PPARD: variants seen among roughly 807,000 people sequenced by gnomAD.
PPARD encodes the protein peroxisome proliferator-activated receptor delta.
In PPARD, 6 loss-of-function variants were observed where a neutral mutation model predicts 39.5. The observed-to-expected ratio is 0.15, with a 90% CI of 0.08 to 0.30. The LOEUF (loss-of-function observed/expected upper bound fraction) is 0.30, where lower values mean the gene tolerates loss of function less well. PPARD is among the 10% of genes least tolerant of loss of function. The pLI, the probability that PPARD is intolerant of heterozygous loss-of-function variation, is 1.00. For missense variants in PPARD, 397 were observed against 596.8 expected (o/e 0.67, Z 3.49); for synonymous variants, 210 against 231.3 (o/e 0.91, Z 0.83).
intron 3 of PPARD, among the ~76,000 whole-genome samples, chr6:35,415,564 T>G (rs1765698050): frequency 6.6e-6 from 1 of 152,210 alleles, no homozygotes; most frequent in Non-Finnish European, 1.5e-5. Context: ...TTACACTGAA[T>G]CCAAACATTT....
intron 2 of PPARD, among the ~76,000 whole-genome samples, chr6:35,372,222 G>T (rs1762518570): frequency 6.6e-6 from 1 of 152,188 alleles, no homozygotes; most frequent in South Asian, 2.1e-4. Flanking sequence ...CTGTTGCCTA[G>T]GCTGGAGTGG....
intron 3 of PPARD, among the ~76,000 whole-genome samples, chr6:35,414,187 G>A (rs1289470795): frequency 6.6e-6 from 1 of 152,108 alleles, no homozygotes; most frequent in Non-Finnish European, 1.5e-5. Flanking sequence ...TCATTGAAAA[G>A]GATAAGGCTG....
intron 2 of PPARD, among the ~76,000 whole-genome samples, chr6:35,378,163 C>T (rs540581231): frequency 2.6e-5 from 4 of 152,080 alleles, no homozygotes; most frequent in South Asian, 4.2e-4. Context: ...CGCCTGGCCA[C>T]GTATCTCCTT....
intron 2 of PPARD, among the ~76,000 whole-genome samples, chr6:35,381,636 G>A (rs1763161686): frequency 6.6e-6 from 1 of 152,134 alleles, no homozygotes; most frequent in Non-Finnish European, 1.5e-5. Flanking sequence ...TCCATCTTAA[G>A]GAGCTTTCCT....
intron 2 of PPARD, among the ~76,000 whole-genome samples, chr6:35,392,155 A>G (rs1179396125): frequency 1.3e-5 from 2 of 152,030 alleles, no homozygotes; most frequent in East Asian, 3.9e-4. Flanking sequence ...AGCACCAGGT[A>G]TATGCAGCCT....
intron 2 of PPARD, among the ~76,000 whole-genome samples, chr6:35,356,044 A>G (rs11758212): frequency 1.3e-3 from 192 of 152,130 alleles, no homozygotes; most frequent in Middle Eastern, 6.8e-3. Flanking sequence ...CTCTCCTGAG[A>G]CCGTTACTAA....
In PPARD at chr6:35,425,540, T is replaced by C; in HGVS notation, c.1079-292T>C. ...TCAGAGAGGCTGAATGACCTGCCTATAGCCTCACAGGCAGACACAGGATTT... is the reference window on the plus strand; with the variant it reads ...TCAGAGAGGCTGAATGACCTGCCTACAGCCTCACAGGCAGACACAGGATTT... On this transcript the variant is annotated intron_variant, in intron 7 of 7. Coordinates refer to ENST00000360694, the MANE Select transcript of PPARD (RefSeq NM_006238.5). The surrounding 1 kb of genome is among the most constrained non-coding windows in gnomAD (Gnocchi z 4.5). The C allele has an allele frequency of 2.4e-6, 2 of 832,866 alleles. No individual in the cohort carries two copies. The allele number at this position is 832,866 out of a possible 1,614,324, so 51.6% of individuals were successfully genotyped here.
chr6:35,380,478 T>G (rs1246789567), intron 2 of PPARD, among the ~76,000 whole-genome samples: 32 of 28,638 alleles, frequency 1.1e-3, no homozygotes, highest in East Asian at 5.2e-3. Flanking sequence ...TTTTGTTTGT[T>G]TTTTTTTTTT....
In PPARD at chr6:35,425,958, A is replaced by G. The variant is rs780076252; in HGVS notation, c.1205A>G (p.Lys402Arg). 8.7e-6 allele frequency: 14 copies of G among 1,614,098 alleles called. No individual in the cohort carries two copies. In the South Asian group the frequency reaches 1.5e-4, roughly 18 times the overall value. Reference sequence around the variant, plus strand: ...TACCTCTTCCCCAAGCTGCTGCAGAAGATGGCTGACCTGCGGCAACTGGTC... The same window carrying G: ...TACCTCTTCCCCAAGCTGCTGCAGAGGATGGCTGACCTGCGGCAACTGGTC... ...AQYLFPKLLQ[K>R]MADLRQLVTE... is the part of the protein sequence containing the mutation. Residue 402 changes from lysine (K) to arginine (R), a missense_variant, in exon 8 of 8, where the codon AAG (lysine) becomes AGG (arginine). Transcript: ENST00000360694. This position sits in a 1 kb window ranked among gnomAD's most constrained non-coding sequence, Gnocchi z 4.5.
chr6:35,350,687 G>A (rs974806506), intron 2 of PPARD, among the ~76,000 whole-genome samples: 1 of 124,332 alleles, frequency 8.0e-6, no homozygotes, highest in African/African-American at 3.1e-5. Context: ...GTGGCGTGGC[G>A]TGATGTTGGC....
At chr6:35,361,563 T>C (rs962463869) in intron 2 of PPARD, among the ~76,000 whole-genome samples, 1 of 152,208 alleles carries the variant, frequency 6.6e-6, no homozygotes, top group Non-Finnish European at 1.5e-5. Flanking sequence ...CATCTGAACA[T>C]TGGCCTGCGT....
At chr6:35,367,976 G>A (rs187028204) in intron 2 of PPARD, among the ~76,000 whole-genome samples, 21 of 152,316 alleles carry the variant, frequency 1.4e-4, no homozygotes, top group Middle Eastern at 6.8e-3. Context: ...ACAGACAGCC[G>A]GTAGTGGATA....
At chr6:35,372,946 T>C (rs1014971956) in intron 2 of PPARD, among the ~76,000 whole-genome samples, 1 of 152,238 alleles carries the variant, frequency 6.6e-6, no homozygotes, top group Non-Finnish European at 1.5e-5. Flanking sequence ...AAGAAACTGA[T>C]TTCTCACAGT....
intron 2 of PPARD, among the ~76,000 whole-genome samples, chr6:35,385,263 G>A (rs1763548971): frequency 6.7e-6 from 1 of 149,962 alleles, no homozygotes; most frequent in South Asian, 2.2e-4. Context: ...AAGTAGACAT[G>A]GGAGACTTTT....
intron 2 of PPARD, among the ~76,000 whole-genome samples, chr6:35,360,650 G>A (rs1761879779): frequency 6.6e-6 from 1 of 152,254 alleles, no homozygotes; most frequent in Non-Finnish European, 1.5e-5. Context: ...AGGCTTGTGA[G>A]CAGAGGCTGA....
At chr6:35,352,952 G>A (rs562102024) in intron 2 of PPARD, among the ~76,000 whole-genome samples, 68 of 152,286 alleles carry the variant, frequency 4.5e-4, no homozygotes, top group Admixed American at 4.1e-3. Context: ...TCAAGGAGAG[G>A]ACTACACAAG....
In PPARD at chr6:35,352,663, G is replaced by A. The variant is rs150437282; in HGVS notation, c.-102+5513G>A. On this transcript the variant is annotated intron_variant, in intron 2 of 7. Coordinates refer to ENST00000360694, the MANE Select transcript of PPARD (RefSeq NM_006238.5). ...TGTCATGTTGCTATAGTCAAATGAAGACGGGGCAGGTGTCATCTGAAGGCT... is the reference window on the plus strand; with the variant it reads ...TGTCATGTTGCTATAGTCAAATGAAAACGGGGCAGGTGTCATCTGAAGGCT... Among the ~76,000 whole-genome samples, 703 of 152,274 alleles carry A rather than the reference G, an allele frequency of 4.6e-3. 3 individuals are homozygous for A. The highest frequency in any genetic ancestry group is 0.01 in the Middle Eastern group (3 of 294).
intron 2 of PPARD, among the ~76,000 whole-genome samples, chr6:35,368,808 T>C (rs1762337598): frequency 6.6e-6 from 1 of 152,198 alleles, no homozygotes; most frequent in South Asian, 2.1e-4. Context: ...CTGAGCTTTA[T>C]GGTGGCCTCT....
chr6:35,352,614 G>A (rs551395498), intron 2 of PPARD, among the ~76,000 whole-genome samples: 1 of 152,326 alleles, frequency 6.6e-6, no homozygotes, highest in African/African-American at 2.4e-5. Context: ...ACTGGGCCCA[G>A]CTGGGTGGTT....
Sources: gnomAD v4.1 joint callset for allele counts (sites outside exome capture counted in the v4.1 genomes callset) on GRCh38, gnomAD v4.1.1 for gene constraint, Gnocchi (gnomAD v3.1) non-coding constraint, MANE v1.5 for transcripts, NCBI Gene and HGNC (gene_info 2026-07-23, HGNC 2026-07-21) for gene names.